Variants in TMEM64 observed in about 807,000 individuals in gnomAD.
TMEM64 encodes transmembrane protein 64.
In TMEM64, 19 loss-of-function variants were observed where a neutral mutation model predicts 24.5. That is an observed-to-expected ratio of 0.78 (90% CI 0.54 to 1.14). The LOEUF (loss-of-function observed/expected upper bound fraction) is 1.14, where lower values mean the gene tolerates loss of function less well. Among genes scored for constraint, TMEM64 ranks in the 50% most tolerant of loss-of-function variants. TMEM64 has a pLI of 0.00. For missense variants in TMEM64, 487 were observed against 493.0 expected (o/e 0.99, Z 0.12); for synonymous variants, 262 against 224.7 (o/e 1.17, Z -1.49).
intron 1 of TMEM64, among the ~76,000 whole-genome samples, chr8:90,641,189 C>G (rs188888305): frequency 3.7e-4 from 56 of 152,256 alleles, no homozygotes; most frequent in African/African-American, 1.3e-3. Flanking sequence ...AGGTAGTAAA[C>G]AGTTCAGGCT....
chr8:90,631,680 G>A lies in TMEM64; in HGVS notation c.823C>T (p.Leu275=). 1 of 1,613,684 alleles carries A rather than the reference G, an allele frequency of 6.2e-7. No individual in the cohort carries two copies. The highest frequency in any genetic ancestry group is 2.2e-5 in the East Asian group (1 of 44,854). ...SITDLSLPNY[L]MASSVGLLPT... is the part of the protein sequence containing the mutation. ...AGCAGTCCAACCGAAGATGCCATCA[G>A]ATAGTTGGGTAATGAGAGATCAGTA... The change falls in exon 2 of 3, where the codon CTG becomes TTG. Residue 275 remains leucine (L), a synonymous_variant. Coordinates refer to ENST00000458549, the MANE Select transcript of TMEM64 (RefSeq NM_001008495.4).
chr8:90,622,691 A>C lies in TMEM64; in HGVS notation c.*2980T>G, dbSNP rs1466960329. 6.6e-6 allele frequency: 1 copy of C among 152,220 alleles called. No individual in the cohort carries two copies. The highest frequency in any genetic ancestry group is 1.5e-5 in the Non-Finnish European group (1 of 68,036). The allele number at this position is 152,220 out of a possible 1,614,324, so 9.4% of individuals were successfully genotyped here. On this transcript the variant is annotated 3_prime_UTR_variant, in exon 3 of 3. Transcript: ENST00000458549. Reference sequence around the variant, plus strand: ...CTTATACCTGCACCACTTAGTTACAACAAGGGGAAATAAGAGTAACTAATG... The same window carrying C: ...CTTATACCTGCACCACTTAGTTACACCAAGGGGAAATAAGAGTAACTAATG...
In TMEM64 at chr8:90,623,454, A is replaced by T. The variant is rs1438877414; in HGVS notation, c.*2217T>A. The T allele has an allele frequency of 6.6e-6, 1 of 152,554 alleles. No individual in the cohort carries two copies. The highest frequency in any genetic ancestry group is 6.6e-5 in the Admixed American group (1 of 15,262). The allele number at this position is 152,554 out of a possible 1,614,324, so 9.5% of individuals were successfully genotyped here. A position where few individuals can be genotyped will look rare whatever the true frequency, so the allele number is the denominator to read the frequency against. On this transcript the variant is annotated 3_prime_UTR_variant, in exon 3 of 3. Coordinates refer to ENST00000458549, the MANE Select transcript of TMEM64 (RefSeq NM_001008495.4). Reference sequence around the variant, plus strand: ...CCATCAAGTAGCAGGACTATAAGGGACTATTGTTTACTTGGATGCTGGAAA... The same window carrying T: ...CCATCAAGTAGCAGGACTATAAGGGTCTATTGTTTACTTGGATGCTGGAAA...
chr8:90,637,053 T>G (rs1210227217), intron 1 of TMEM64, among the ~76,000 whole-genome samples: 1 of 152,102 alleles, frequency 6.6e-6, no homozygotes, highest in African/African-American at 2.4e-5. Flanking sequence ...GGGGTTAACA[T>G]GTGGAACATC....
At position 90,625,130 on chromosome 8, in the gene TMEM64, G is replaced by GA. The variant is rs1294250973; in HGVS notation, c.*540dup. 1 of 152,462 alleles carries GA rather than the reference G, an allele frequency of 6.6e-6. No individual in the cohort carries two copies. The highest frequency in any genetic ancestry group is 2.4e-5 in the African/African-American group (1 of 41,428). The allele number at this position is 152,462 out of a possible 1,614,324, so 9.4% of individuals were successfully genotyped here. ...GATGCCTGCAAAAATACATTCAACT[G>GA]AAAATTAATGTCTGTTCTTTAACTA... On this transcript the variant is annotated 3_prime_UTR_variant, in exon 3 of 3. Coordinates refer to ENST00000458549, the MANE Select transcript of TMEM64 (RefSeq NM_001008495.4).
chr8:90,629,325 T>C (rs1241763435), intron 2 of TMEM64, among the ~76,000 whole-genome samples: 4 of 152,212 alleles, frequency 2.6e-5, no homozygotes, highest in Non-Finnish European at 2.9e-5. Flanking sequence ...GAAGATTCTA[T>C]AGTTTAAAAA....
In TMEM64 at chr8:90,645,440, A is replaced by C. The variant is rs992392051; in HGVS notation, c.466T>G (p.Ser156Ala). Residue 156 changes from serine to alanine, a missense_variant, in exon 1 of 3, where the codon TCG becomes GCG. Physicochemically the swap from Ser to Ala is moderately conservative, Grantham distance 99. Coordinates refer to ENST00000458549, the MANE Select transcript of TMEM64 (RefSeq NM_001008495.4). This position sits in a 1 kb window ranked among gnomAD's most constrained non-coding sequence, Gnocchi z 4.2. ...ACGAAGAGCAGGACCCCCAGCAGCGAGTCAAGGCTCTCCACCCACAGCAGG... is the reference window on the plus strand; with the variant it reads ...ACGAAGAGCAGGACCCCCAGCAGCGCGTCAAGGCTCTCCACCCACAGCAGG... Reference protein sequence around the residue: ...HLLLWVESLDSLLGVLLFVVG... With the variant: ...HLLLWVESLDALLGVLLFVVG... 2.6e-6 allele frequency: 4 copies of C among 1,551,626 alleles called. No individual in the cohort carries two copies. The East Asian group carries it at 9.8e-5, about 38-fold the overall frequency.
At position 90,645,398 on chromosome 8, in the gene TMEM64, C is replaced by A. The variant is rs1168020391; in HGVS notation, c.508G>T (p.Val170Phe). Residue 170 changes from valine to phenylalanine, a missense_variant, in exon 1 of 3, where the codon GTC becomes TTC. Val to Phe is a conservative substitution (Grantham distance 50). Transcript: ENST00000458549. The surrounding 1 kb of genome is among the most constrained non-coding windows in gnomAD (Gnocchi z 4.2). Reference protein sequence around the residue: ...VLLFVVGFIVVSFPCGWGYIV... With the variant: ...VLLFVVGFIVFSFPCGWGYIV... ...TAGCCCCAGCCGCAGGGGAAAGAGACCACGATGAAGCCCACGACGAAGAGC... is the reference window on the plus strand; with the variant it reads ...TAGCCCCAGCCGCAGGGGAAAGAGAACACGATGAAGCCCACGACGAAGAGC... The A allele has an allele frequency of 5.2e-6, 8 of 1,551,704 alleles. No individual in the cohort carries two copies. The highest frequency in any genetic ancestry group is 7.0e-6 in the Non-Finnish European group (8 of 1,147,048).
At chr8:90,631,525 A>C in intron 2 of TMEM64, 27 bp downstream of exon 2, 1 of 1,470,396 alleles carries the variant, frequency 6.8e-7, no homozygotes, top group Non-Finnish European at 9.1e-7. Flanking sequence ...AGAGAAAAAA[A>C]GAGACAACCC....
chr8:90,625,536 A>G lies in TMEM64; in HGVS notation c.*135T>C. On this transcript the variant is annotated 3_prime_UTR_variant, in exon 3 of 3. Coordinates refer to ENST00000458549, the MANE Select transcript of TMEM64 (RefSeq NM_001008495.4). ...AATGATTCTTGCTTTAAAAAAAAAA[A>G]ATTGTGCAATTTAAAAACTAGTCAG... The G allele has an allele frequency of 2.8e-6, 2 of 726,288 alleles. No individual in the cohort carries two copies. The highest frequency in any genetic ancestry group is 4.3e-6 in the Non-Finnish European group (2 of 467,522). The allele number at this position is 726,288 out of a possible 1,614,324, so 45.0% of individuals were successfully genotyped here.
In TMEM64 at chr8:90,645,822, C is replaced by T. The variant is rs1251170504; in HGVS notation, c.84G>A (p.Pro28=). The change falls in exon 1 of 3, where the codon CCG becomes CCA. Residue 28 remains proline, a synonymous_variant. Transcript: ENST00000458549. This position sits in a 1 kb window ranked among gnomAD's most constrained non-coding sequence, Gnocchi z 4.2. ...HAALPGLAEL[P]ARWALPRGAG... ...CACCCCGCGGCAGGGCCCAGCGGGC[C>T]GGCAGCTCGGCGAGGCCCGGGAGGG... is the stretch of plus-strand genomic sequence containing the variant. 3 of 1,060,490 alleles carry T rather than the reference C, an allele frequency of 2.8e-6. No homozygotes were observed. The highest frequency in any genetic ancestry group is 3.4e-5 in the African/African-American group (2 of 58,592). The allele number at this position is 1,060,490 out of a possible 1,614,324, so 65.7% of individuals were successfully genotyped here.
In TMEM64 at chr8:90,646,013, C is replaced by T. The variant is rs1235731013; in HGVS notation, c.-108G>A. On this transcript the variant is annotated 5_prime_UTR_variant, in exon 1 of 3. Transcript: ENST00000458549. ...TCGCCCGGCATCGACTCCCTGCGTC[C>T]GCTCAGAGGGTGGGAGACGGCCCGT... is the stretch of plus-strand genomic sequence containing the variant. 2.8e-5 allele frequency: 14 copies of T among 492,802 alleles called. No homozygotes were observed. Among genetic ancestry groups the T allele is most frequent in the Non-Finnish European group, 3.2e-5 (12 of 370,304 alleles). The allele number at this position is 492,802 out of a possible 1,614,324, so 30.5% of individuals were successfully genotyped here.
At chr8:90,637,648 C>T (rs1274908312) in intron 1 of TMEM64, among the ~76,000 whole-genome samples, 1 of 151,946 alleles carries the variant, frequency 6.6e-6, no homozygotes, top group African/African-American at 2.4e-5. Context: ...ATCCCTATGA[C>T]TGTTAAGAAA....
intron 2 of TMEM64, among the ~76,000 whole-genome samples, chr8:90,630,486 T>G (rs1033229932): frequency 6.6e-6 from 1 of 152,192 alleles, no homozygotes; most frequent in Non-Finnish European, 1.5e-5. Flanking sequence ...CTACCACTTA[T>G]TAGTCGGGAC....
intron 1 of TMEM64, among the ~76,000 whole-genome samples, chr8:90,633,303 T>C (rs764105046): frequency 6.6e-6 from 1 of 152,092 alleles, no homozygotes; most frequent in East Asian, 1.9e-4. Flanking sequence ...CTAGCAAAAA[T>C]AGTCTGGAAA....
intron 1 of TMEM64, among the ~76,000 whole-genome samples, chr8:90,638,500 C>T (rs1809555505): frequency 6.6e-6 from 1 of 152,190 alleles, no homozygotes; most frequent in Admixed American, 6.5e-5. Context: ...TCCCTGTCCC[C>T]TTTGCACTGG....
intron 1 of TMEM64, among the ~76,000 whole-genome samples, chr8:90,636,984 C>T (rs1809527863): frequency 1.3e-5 from 2 of 152,166 alleles, no homozygotes. Flanking sequence ...TATATATCCT[C>T]TTATTCCCAG....
At chr8:90,642,698 A>G (rs1281528651) in intron 1 of TMEM64, among the ~76,000 whole-genome samples, 1 of 152,214 alleles carries the variant, frequency 6.6e-6, no homozygotes, top group East Asian at 1.9e-4. Context: ...TCAGAACAAT[A>G]GGTATAAACA....
intron 1 of TMEM64, among the ~76,000 whole-genome samples, chr8:90,637,952 T>C (rs568737566): frequency 6.6e-6 from 1 of 152,188 alleles, no homozygotes; most frequent in Non-Finnish European, 1.5e-5. Flanking sequence ...GGAGACCTCA[T>C]CAGTCAGGCA....
Sources: allele counts gnomAD v4.1 joint callset (sites outside exome capture counted in the v4.1 genomes callset), GRCh38; gene constraint gnomAD v4.1.1; non-coding constraint Gnocchi (gnomAD v3.1); transcripts MANE v1.5; gene names NCBI Gene and HGNC (gene_info 2026-07-23, HGNC 2026-07-21).